Variants in LMNA observed in about 807,000 individuals in gnomAD.
The protein encoded by LMNA is lamin A/C.
Under a neutral mutation model 70.4 loss-of-function variants are expected in LMNA, and 20 were observed. That is an observed-to-expected ratio of 0.28 (90% CI 0.20 to 0.41). LMNA has a LOEUF of 0.41. Among genes scored for constraint, LMNA ranks in the 10% least tolerant of loss-of-function variants. The probability of loss-of-function intolerance (pLI) is 1.00; values close to 1 mark genes in which losing one functional copy is unlikely to be tolerated. For synonymous variants in LMNA, 339 were observed against 372.8 expected (o/e 0.91, Z 1.04); for missense variants, 652 against 917.2 (o/e 0.71, Z 3.73).
intron 1 of LMNA, chr1:156,126,762 A>G (rs2102851893): frequency 6.3e-7 from 1 of 1,582,700 alleles, no homozygotes; most frequent in East Asian, 2.3e-5. Flanking sequence ...AAGAGTTAGA[A>G]ACAGGATGCC....
chr1:156,098,759 T>C (rs968747605), intron 3 of LMNA, among the ~76,000 whole-genome samples: 3 of 152,206 alleles, frequency 2.0e-5, no homozygotes, highest in South Asian at 2.1e-4. Context: ...GCAAGTCATG[T>C]CTAGTGGGAC....
chr1:156,102,127 C>T (rs1260510776), intron 3 of LMNA, among the ~76,000 whole-genome samples: 1 of 152,252 alleles, frequency 6.6e-6, no homozygotes, highest in Non-Finnish European at 1.5e-5. Flanking sequence ...CAGAAATACC[C>T]TGTTGGGGCA....
chr1:156,120,416 C>G (rs1650105391), intron 1 of LMNA, among the ~76,000 whole-genome samples: 1 of 152,224 alleles, frequency 6.6e-6, no homozygotes, highest in African/African-American at 2.4e-5. Context: ...GGAAACTCTG[C>G]TCTGGGGCCA....
intron 2 of LMNA, among the ~76,000 whole-genome samples, chr1:156,087,614 C>T (rs190953138): frequency 1.6e-3 from 238 of 152,080 alleles, no homozygotes; most frequent in African/African-American, 5.2e-3. Context: ...AATGCAGTGG[C>T]TTGATCATGG....
intron 2 of LMNA, among the ~76,000 whole-genome samples, chr1:156,083,972 T>A (rs1443463294): frequency 1.3e-5 from 2 of 152,168 alleles, no homozygotes; most frequent in African/African-American, 4.8e-5. Flanking sequence ...TTATTTTATA[T>A]CACCCTTTTT....
chr1:156,093,394 C>T (rs1572314190), intron 3 of LMNA, among the ~76,000 whole-genome samples: 1 of 150,486 alleles, frequency 6.6e-6, no homozygotes, highest in African/African-American at 2.5e-5. Context: ...GCACCCTCTG[C>T]CTCCTGGCTC....
chr1:156,128,471 T>C (rs751360936), intron 1 of LMNA, among the ~76,000 whole-genome samples: 49 of 152,280 alleles, frequency 3.2e-4, no homozygotes, highest in Middle Eastern at 6.8e-3. Flanking sequence ...AAGGTGCCCT[T>C]GAGACACCTT....
At chr1:156,092,030 G>C (rs1648723923) in intron 3 of LMNA, among the ~76,000 whole-genome samples, 1 of 151,820 alleles carries the variant, frequency 6.6e-6, no homozygotes, top group Non-Finnish European at 1.5e-5. Flanking sequence ...CCATTCTCCT[G>C]CCTCGGCCTC....
At chr1:156,098,181 C>T (rs1649011481) in intron 3 of LMNA, among the ~76,000 whole-genome samples, 1 of 152,166 alleles carries the variant, frequency 6.6e-6, no homozygotes, top group Non-Finnish European at 1.5e-5. Flanking sequence ...TCATCTATTC[C>T]CTTGTAGTAG....
rs541072397 is a variant in LMNA, at chr1:156,138,523, G to A, written c.1734G>A (p.Glu578=). The A allele has an allele frequency of 1.2e-6, 2 of 1,612,662 alleles. No homozygotes were observed. The highest frequency in any genetic ancestry group is 1.3e-5 in the African/African-American group (1 of 75,038). ...GCAGCAGCTCGGGGGACCCCGCTGA[G>A]TACAACCTGCGCTCGCGCACCGTGC... The part of the protein sequence containing the change: ...SHCSSSGDPA[E]YNLRSRTVLC... Residue 578 remains glutamate (E), a synonymous_variant, in exon 11 of 12, where the codon GAG becomes GAA. Coordinates refer to ENST00000368300, the MANE Select transcript of LMNA (RefSeq NM_170707.4). The surrounding 1 kb of genome is among the most constrained non-coding windows in gnomAD (Gnocchi z 5.5).
At position 156,140,004 on chromosome 1, in the gene LMNA, C is replaced by G; in HGVS notation, c.*898C>G. ...GGGGTGTGGCAGTGGTTTTGGCAAA[C>G]GCTAAAGAGCCCTTGCCTCCCCATT... On this transcript the variant is annotated 3_prime_UTR_variant, in exon 12 of 12. Transcript: ENST00000368300. 1 of 583,824 alleles carries G rather than the reference C, an allele frequency of 1.7e-6. No individual in the cohort carries two copies. Among genetic ancestry groups the G allele is most frequent in the Non-Finnish European group, 2.9e-6 (1 of 343,940 alleles). The allele number at this position is 583,824 out of a possible 1,614,324, so 36.2% of individuals were successfully genotyped here. A position where few individuals can be genotyped will look rare whatever the true frequency, so the allele number is the denominator to read the frequency against.
chr1:156,132,822 CCTCT>C lies in LMNA; in HGVS notation c.514-1568_514-1565del, dbSNP rs201479816. ...TTCTTTATAAATAGAGCCATGTTCT[CCTCT>C]CTCTCTCTCTCTTTTTTTTTTTTTT... On this transcript the variant is annotated intron_variant, in intron 2 of 11. Coordinates refer to ENST00000368300, the MANE Select transcript of LMNA (RefSeq NM_170707.4). Among the ~76,000 whole-genome samples, 8 of 147,516 alleles carry C rather than the reference CCTCT, an allele frequency of 5.4e-5. No individual in the cohort carries two copies. The Middle Eastern group carries it at 0.011, about 196-fold the overall frequency.
At chr1:156,126,709 C>G (rs1212991757) in intron 1 of LMNA, 2 of 1,550,354 alleles carry the variant, frequency 1.3e-6, no homozygotes, top group Non-Finnish European at 1.7e-6. Flanking sequence ...CCTCCCCACC[C>G]CCTCTCTTCC....
chr1:156,092,882 CT>C (rs991911451), intron 3 of LMNA, among the ~76,000 whole-genome samples: 4 of 147,980 alleles, frequency 2.7e-5, no homozygotes, highest in Non-Finnish European at 4.5e-5. Context: ...CTTTTCTTTT[CT>C]TTTTTTCTTT....
intron 3 of LMNA, among the ~76,000 whole-genome samples, chr1:156,107,885 C>T (rs1024278449): frequency 6.6e-6 from 1 of 151,688 alleles, no homozygotes; most frequent in Non-Finnish European, 1.5e-5. Context: ...CCTGCCTCAG[C>T]TCCCTGAGTA....
rs1410807953 is a variant in LMNA at position 156,114,880 on chromosome 1, G to C, written c.-39G>C. 5 of 1,421,216 alleles carry C rather than the reference G, an allele frequency of 3.5e-6. No individual in the cohort carries two copies. The South Asian group carries it at 6.9e-5, about 20-fold the overall frequency. The allele number at this position is 1,421,216 out of a possible 1,614,324, so 88.0% of individuals were successfully genotyped here. A position where few individuals can be genotyped will look rare whatever the true frequency, so the allele number is the denominator to read the frequency against. On this transcript the variant is annotated 5_prime_UTR_variant, in exon 1 of 12. Coordinates refer to ENST00000368300, the MANE Select transcript of LMNA (RefSeq NM_170707.4). ...GACCCGAGCCCCGCGCCCTTTCCGG[G>C]ACCCCTGCCCCGCGGGCAGCGCTGC... is the stretch of plus-strand genomic sequence containing the variant.
chr1:156,108,039 T>G (rs1649414671), intron 3 of LMNA, among the ~76,000 whole-genome samples: 1 of 152,060 alleles, frequency 6.6e-6, no homozygotes, highest in Admixed American at 6.6e-5. Context: ...AATGCTGAGA[T>G]TACAGGTGTG....
rs1651834541 is a variant in LMNA, at chr1:156,138,201, C to T, written c.1699-287C>T. 3 of 570,330 alleles carry T rather than the reference C, an allele frequency of 5.3e-6. No homozygotes were observed. The highest frequency in any genetic ancestry group is 2.9e-5 in the East Asian group (1 of 34,010). 35.3% of individuals were successfully genotyped at this position (570,330 alleles called of 1,614,324 possible). On this transcript the variant is annotated intron_variant, in intron 10 of 11. Coordinates refer to ENST00000368300, the MANE Select transcript of LMNA (RefSeq NM_170707.4). This position sits in a 1 kb window ranked among gnomAD's most constrained non-coding sequence, Gnocchi z 5.5. Reference sequence around the variant, plus strand: ...GCCTGCTGCCCTACAAGCTTGCTCCCGTTCTCTCTTCTTTTCCTCTTAAGC... The same window carrying T: ...GCCTGCTGCCCTACAAGCTTGCTCCTGTTCTCTCTTCTTTTCCTCTTAAGC...
At chr1:156,098,182 C>G (rs1349012285) in intron 3 of LMNA, among the ~76,000 whole-genome samples, 1 of 152,204 alleles carries the variant, frequency 6.6e-6, no homozygotes, top group Admixed American at 6.5e-5. Context: ...CATCTATTCC[C>G]TTGTAGTAGA....
Sources: allele counts gnomAD v4.1 joint callset (sites outside exome capture counted in the v4.1 genomes callset), GRCh38; gene constraint gnomAD v4.1.1; non-coding constraint Gnocchi (gnomAD v3.1); transcripts MANE v1.5; gene names NCBI Gene and HGNC (gene_info 2026-07-23, HGNC 2026-07-21).